The following ST6GALNAC5 variants were observed in gnomAD, a reference collection of about 807,000 sequenced individuals.
The protein encoded by ST6GALNAC5 is ST6 N-acetylgalactosaminide alpha-2,6-sialyltransferase 5, also known as alpha-N-acetylgalactosaminide alpha-2,6-sialyltransferase 5.
In ST6GALNAC5, 27 loss-of-function variants were observed where a neutral mutation model predicts 33.6. The observed-to-expected ratio is 0.80, with a 90% CI of 0.59 to 1.11. ST6GALNAC5 has a LOEUF of 1.11. Ranked by LOEUF, ST6GALNAC5 falls within the 50% of genes least tolerant of loss-of-function variation. ST6GALNAC5 has a pLI of 0.00. For missense variants in ST6GALNAC5, 428 were observed against 454.0 expected, an observed-to-expected ratio of 0.94 and a Z score of 0.52; for synonymous variants, 194 against 171.2, an observed-to-expected ratio of 1.13 and a Z score of -1.04.
At chr1:76,912,303 T>A (rs964969058) in intron 2 of ST6GALNAC5, among the ~76,000 whole-genome samples, 1 of 152,182 alleles carries the variant, frequency 6.6e-6, no homozygotes. Context: ...TTTGTTATAA[T>A]TTCTGTTCTT....
intron 2 of ST6GALNAC5, among the ~76,000 whole-genome samples, chr1:76,929,042 T>C (rs902620090): frequency 2.0e-5 from 3 of 152,180 alleles, no homozygotes; most frequent in East Asian, 3.9e-4. Context: ...AGCCTTACTT[T>C]CTTTCAAAAA....
chr1:77,012,962 G>T (rs1387874362), intron 2 of ST6GALNAC5, among the ~76,000 whole-genome samples: 1 of 152,112 alleles, frequency 6.6e-6, no homozygotes, highest in East Asian at 1.9e-4. Context: ...CTTCTTAAGG[G>T]TTGGGAAAGT....
intron 2 of ST6GALNAC5, among the ~76,000 whole-genome samples, chr1:77,017,765 A>G (rs923856947): frequency 1.3e-5 from 2 of 152,232 alleles, no homozygotes; most frequent in Non-Finnish European, 2.9e-5. Flanking sequence ...AGAAAGAATG[A>G]ATGTGAGATA....
At chr1:77,047,561 G>A (rs1263210468) in intron 3 of ST6GALNAC5, among the ~76,000 whole-genome samples, 1 of 152,170 alleles carries the variant, frequency 6.6e-6, no homozygotes. Context: ...AGTGGCTCAG[G>A]AACAATCTGC....
chr1:76,983,887 T>A (rs1381874946), intron 2 of ST6GALNAC5, among the ~76,000 whole-genome samples: 2 of 152,190 alleles, frequency 1.3e-5, no homozygotes, highest in Admixed American at 1.3e-4. Context: ...ACATGGAAAC[T>A]GAACAACCTG....
chr1:77,009,356 G>A (rs1420097769), intron 2 of ST6GALNAC5, among the ~76,000 whole-genome samples: 1 of 152,094 alleles, frequency 6.6e-6, no homozygotes, highest in African/African-American at 2.4e-5. Flanking sequence ...AAGAGAGAGA[G>A]AATTTTTGTT....
intron 2 of ST6GALNAC5, among the ~76,000 whole-genome samples, chr1:77,018,841 T>C (rs773225831): frequency 5.3e-5 from 8 of 152,224 alleles, no homozygotes; most frequent in Admixed American, 2.0e-4. Context: ...CTTAAATATC[T>C]TGTTTCTTAC....
At chr1:76,988,337 T>G (rs1282790659) in intron 2 of ST6GALNAC5, among the ~76,000 whole-genome samples, 2 of 152,104 alleles carry the variant, frequency 1.3e-5, no homozygotes, top group Non-Finnish European at 2.9e-5. Context: ...TTTAATTAAA[T>G]TATTCACTCT....
intron 2 of ST6GALNAC5, among the ~76,000 whole-genome samples, chr1:77,014,090 T>C (rs1440555680): frequency 2.0e-5 from 3 of 152,222 alleles, no homozygotes; most frequent in African/African-American, 7.2e-5. Flanking sequence ...GGAATCAGTA[T>C]AAAATGTTTA....
intron 2 of ST6GALNAC5, among the ~76,000 whole-genome samples, chr1:77,041,476 C>T (rs772858838): frequency 2.0e-5 from 3 of 152,134 alleles, no homozygotes; most frequent in African/African-American, 4.8e-5. Flanking sequence ...GTGCCTGGTA[C>T]GTAATAGGAA....
chr1:76,908,408 C>T (rs560405121), intron 2 of ST6GALNAC5, among the ~76,000 whole-genome samples: 30 of 152,236 alleles, frequency 2.0e-4, no homozygotes, highest in African/African-American at 7.2e-4. Context: ...TTCACGAGGA[C>T]TCTGCCATTA....
chr1:76,938,963 T>G (rs559358275), intron 2 of ST6GALNAC5, among the ~76,000 whole-genome samples: 4 of 152,274 alleles, frequency 2.6e-5, no homozygotes, highest in South Asian at 4.1e-4. Context: ...CAATGAAATA[T>G]TTACTAAACA....
chr1:76,934,944 C>CT (rs1436642970), intron 2 of ST6GALNAC5, among the ~76,000 whole-genome samples: 6 of 152,004 alleles, frequency 3.9e-5, no homozygotes, highest in Non-Finnish European at 8.8e-5. Context: ...AAATTAATTG[C>CT]TTTCATGTCA....
intron 2 of ST6GALNAC5, among the ~76,000 whole-genome samples, chr1:76,933,764 A>C (rs1330203927): frequency 2.5e-5 from 1 of 40,556 alleles, no homozygotes; most frequent in African/African-American, 1.6e-4. Context: ...TTTCTCTGCC[A>C]AAAAAAAAAA....
intron 2 of ST6GALNAC5, among the ~76,000 whole-genome samples, chr1:76,975,769 T>C (rs1648984656): frequency 6.6e-6 from 1 of 152,162 alleles, no homozygotes; most frequent in South Asian, 2.1e-4. Context: ...ATAATTATCA[T>C]AAAAGTCAAA....
intron 2 of ST6GALNAC5, among the ~76,000 whole-genome samples, chr1:76,971,240 C>T (rs796785637): frequency 1.3e-4 from 20 of 152,006 alleles, no homozygotes; most frequent in African/African-American, 3.6e-4. Flanking sequence ...GTGATAGACC[C>T]GTGATGCGTC....
chr1:76,890,482 G>A (rs1653991130), intron 2 of ST6GALNAC5, among the ~76,000 whole-genome samples: 1 of 151,558 alleles, frequency 6.6e-6, no homozygotes, highest in Non-Finnish European at 1.5e-5. Flanking sequence ...TAAAGGATCA[G>A]CAGTTACCCT....
intron 2 of ST6GALNAC5, among the ~76,000 whole-genome samples, chr1:77,021,381 C>T (rs1376303121): frequency 6.6e-6 from 1 of 152,108 alleles, no homozygotes; most frequent in Non-Finnish European, 1.5e-5. Flanking sequence ...TGTGGTTCCT[C>T]TTATAGAACC....
rs535564639 is a variant in ST6GALNAC5, at chr1:76,966,294, G to T, written c.262-77910G>T. Among the ~76,000 whole-genome samples the T allele has an allele frequency of 4.2e-4, 64 of 152,264 alleles. No individual in the cohort carries two copies. The Middle Eastern group carries it at 0.017, about 40-fold the overall frequency. ...TTATTTCGTTGGGAAGTGGTTTGTA[G>T]TTCTCCTTGAAGAGGTCCTTCACAT... is the stretch of plus-strand genomic sequence containing the variant. On this transcript the variant is annotated intron_variant, in intron 2 of 4. Coordinates refer to ENST00000477717, the MANE Select transcript of ST6GALNAC5 (RefSeq NM_030965.3).
Sources: allele counts gnomAD v4.1 joint callset (sites outside exome capture counted in the v4.1 genomes callset), GRCh38; gene constraint gnomAD v4.1.1; transcripts MANE v1.5; gene names NCBI Gene and HGNC (gene_info 2026-07-23, HGNC 2026-07-21).